Variants in ATP9A observed in about 807,000 individuals in gnomAD.
ATP9A encodes probable phospholipid-transporting ATPase IIA.
Under a neutral mutation model 144.1 loss-of-function variants are expected in ATP9A, and 52 were observed. The ratio of observed to expected loss-of-function variants is 0.36; its 90% CI spans 0.29 to 0.45. ATP9A has a LOEUF of 0.45. ATP9A is among the 20% of genes least tolerant of loss of function. ATP9A has a pLI of 1.00. For synonymous variants in ATP9A, 582 were observed against 557.4 expected (o/e 1.04, Z -0.62); for missense variants, 947 against 1,392.7 (o/e 0.68, Z 5.09).
chr20:51,750,198 G>C (rs950063479), intron 1 of ATP9A, among the ~76,000 whole-genome samples: 17 of 152,126 alleles, frequency 1.1e-4, no homozygotes, highest in African/African-American at 3.9e-4. Flanking sequence ...AGCTCACCCC[G>C]CTGCCCAAAC....
rs1465737331 is a variant in ATP9A at position 51,599,089 on chromosome 20, G to A, written c.*2122C>T. On this transcript the variant is annotated 3_prime_UTR_variant, in exon 28 of 28. Transcript: ENST00000338821. ...ATTGAGAATTAAGGAAAAGGCCAGG[G>A]AGACCATCTTCATTCTGCTTCTGCT... 2 of 152,198 alleles carry A rather than the reference G, an allele frequency of 1.3e-5. No homozygotes were observed. The highest frequency in any genetic ancestry group is 2.9e-5 in the Non-Finnish European group (2 of 68,040). 9.4% of individuals were successfully genotyped at this position (152,198 alleles called of 1,614,324 possible).
intron 9 of ATP9A, among the ~76,000 whole-genome samples, chr20:51,688,375 T>A (rs939133220): frequency 6.6e-6 from 1 of 152,052 alleles, no homozygotes; most frequent in African/African-American, 2.4e-5. Flanking sequence ...GGTGGATCAC[T>A]TGAGGTCAGA....
At chr20:51,709,138 C>G (rs1468256520) in intron 4 of ATP9A, among the ~76,000 whole-genome samples, 1 of 152,116 alleles carries the variant, frequency 6.6e-6, no homozygotes, top group Non-Finnish European at 1.5e-5. Context: ...TATTTAGGCA[C>G]AAAAGGGAAT....
chr20:51,622,298 A>G (rs2122725225), intron 18 of ATP9A, 126 bp from the exon 19 acceptor site: 1 of 736,190 alleles, frequency 1.4e-6, no homozygotes, highest in Admixed American at 2.2e-5. Context: ...CTGCCGACTC[A>G]TGCTGTCCCC....
intron 3 of ATP9A, among the ~76,000 whole-genome samples, chr20:51,719,345 A>G (rs1201379440): frequency 6.6e-6 from 1 of 152,212 alleles, no homozygotes; most frequent in Admixed American, 6.5e-5. Flanking sequence ...TTAAATTGTT[A>G]TTAATGAGTT....
At chr20:51,630,180 C>T (rs1046348660) in intron 15 of ATP9A, among the ~76,000 whole-genome samples, 3 of 152,368 alleles carry the variant, frequency 2.0e-5, no homozygotes, top group Admixed American at 2.0e-4. Context: ...TAAAAGTCAA[C>T]AGTGCTGAGA....
chr20:51,665,267 G>A (rs113249850), intron 13 of ATP9A, among the ~76,000 whole-genome samples: 5,276 of 152,100 alleles, frequency 0.035, 113 homozygotes, highest in Non-Finnish European at 0.053. Flanking sequence ...GGGAACTCAA[G>A]GGATGTGGGC....
At chr20:51,737,177 C>A (rs893171122) in intron 1 of ATP9A, among the ~76,000 whole-genome samples, 16 of 152,202 alleles carry the variant, frequency 1.1e-4, no homozygotes, top group Admixed American at 7.9e-4. Flanking sequence ...GCATCCTGCA[C>A]TACCATGAAC....
intron 3 of ATP9A, among the ~76,000 whole-genome samples, chr20:51,717,519 G>A (rs2077667560): frequency 6.6e-6 from 1 of 152,156 alleles, no homozygotes; most frequent in East Asian, 1.9e-4. Context: ...GAGACCAACT[G>A]CTGGAGGTGC....
chr20:51,732,658 C>CTTTTTTTTTTTTTTTTTTTTT (rs2077747108), intron 1 of ATP9A: 1 of 152,000 alleles, frequency 6.6e-6, no homozygotes, highest in African/African-American at 2.4e-5. Flanking sequence ...TGGCCCCTTT[C>CTTTTTTTTTTTTTTTTTTTTT]TAAGTTGTCC....
At chr20:51,754,270 G>A (rs1601146417) in intron 1 of ATP9A, among the ~76,000 whole-genome samples, 2 of 152,088 alleles carry the variant, frequency 1.3e-5, no homozygotes, top group African/African-American at 4.8e-5. Context: ...GGGAGGCCAA[G>A]GCAGGTGGAT....
chr20:51,684,487 G>A (rs1054294763), intron 9 of ATP9A, among the ~76,000 whole-genome samples: 1 of 151,410 alleles, frequency 6.6e-6, no homozygotes, highest in Non-Finnish European at 1.5e-5. Flanking sequence ...ACGAGGTCAG[G>A]CGATTGAGAC....
At chr20:51,737,189 G>T (rs1341703663) in intron 1 of ATP9A, among the ~76,000 whole-genome samples, 1 of 152,160 alleles carries the variant, frequency 6.6e-6, no homozygotes, top group East Asian at 1.9e-4. Context: ...ACCATGAACA[G>T]CCTCACCTGC....
chr20:51,622,419 C>T (rs2077230664), intron 18 of ATP9A, among the ~76,000 whole-genome samples: 3 of 152,186 alleles, frequency 2.0e-5, no homozygotes, highest in African/African-American at 7.2e-5. Context: ...TGGCCACACA[C>T]TACAGGAGGT....
intron 9 of ATP9A, among the ~76,000 whole-genome samples, chr20:51,683,423 C>T (rs2077508999): frequency 6.8e-6 from 1 of 147,650 alleles, no homozygotes; most frequent in African/African-American, 2.4e-5. Flanking sequence ...CACCACCACG[C>T]CCAGCTGATT....
In ATP9A at chr20:51,600,650, G is replaced by A. The variant is rs1240208678; in HGVS notation, c.*561C>T. On this transcript the variant is annotated 3_prime_UTR_variant, in exon 28 of 28. Transcript: ENST00000338821. ...AGCAGGGCTGGCTGGAGACGATACT[G>A]AGCATTTCCGAATGGAGATTATTGT... is the stretch of plus-strand genomic sequence containing the variant. 1 of 152,186 alleles carries A rather than the reference G, an allele frequency of 6.6e-6. No individual in the cohort carries two copies. The highest frequency in any genetic ancestry group is 1.5e-5 in the Non-Finnish European group (1 of 68,080). 9.4% of individuals were successfully genotyped at this position (152,186 alleles called of 1,614,324 possible). A position where few individuals can be genotyped will look rare whatever the true frequency, so the allele number is the denominator to read the frequency against.
rs58471006 is a variant in ATP9A, at chr20:51,658,892, G to T, written c.1294-1742C>A. The stretch of plus-strand genomic sequence containing the variant: ...AATGAAAATTAAGACCACTGGCGGG[G>T]GGGGGGGGGGGAAGGCTCATTGTTG... On this transcript the variant is annotated intron_variant, in intron 13 of 27. Transcript: ENST00000338821. Among the ~76,000 whole-genome samples, 33 of 109,272 alleles carry T rather than the reference G, an allele frequency of 3.0e-4. 7 individuals are homozygous for T. The highest frequency in any genetic ancestry group is 1.8e-3 in the South Asian group (6 of 3,274). The allele number at this position is 109,272 out of a possible 152,430, so 71.7% of individuals were successfully genotyped here.
intron 1 of ATP9A, among the ~76,000 whole-genome samples, chr20:51,748,415 G>A (rs538296092): frequency 9.7e-4 from 147 of 152,278 alleles, no homozygotes; most frequent in African/African-American, 3.3e-3. Flanking sequence ...GGGGCACACC[G>A]CCAGTCCAGT....
At chr20:51,710,960 C>T (rs371223119) in intron 4 of ATP9A, among the ~76,000 whole-genome samples, 2 of 152,130 alleles carry the variant, frequency 1.3e-5, no homozygotes, top group African/African-American at 2.4e-5. Context: ...GCACTCTCTC[C>T]GATGGGGCTT....
Sources: allele counts gnomAD v4.1 joint callset (sites outside exome capture counted in the v4.1 genomes callset), GRCh38; gene constraint gnomAD v4.1.1; transcripts MANE v1.5; gene names NCBI Gene and HGNC (gene_info 2026-07-23, HGNC 2026-07-21).